Variants in NPHP4 observed in about 807,000 individuals in gnomAD.
NPHP4 encodes nephrocystin 4.
NPHP4 carries 151 observed loss-of-function variants against 155.8 expected under a neutral mutation model. That is an observed-to-expected ratio of 0.97 (90% CI 0.85 to 1.11). NPHP4 has a LOEUF of 1.11. Among genes scored for constraint, NPHP4 ranks in the 50% least tolerant of loss-of-function variants. The pLI is 0.00. For missense variants in NPHP4, 1,956 were observed against 1,925.7 expected, an observed-to-expected ratio of 1.02 and a Z score of -0.29; for synonymous variants, 845 against 816.8, an observed-to-expected ratio of 1.03 and a Z score of -0.59.
chr1:5,935,324 C>A (rs941207704), intron 9 of NPHP4, among the ~76,000 whole-genome samples: 3 of 152,128 alleles, frequency 2.0e-5, no homozygotes, highest in Admixed American at 6.6e-5. Flanking sequence ...CACATTCACG[C>A]CCCCGTCACA....
At chr1:5,912,169 T>G (rs1432917806) in intron 11 of NPHP4, among the ~76,000 whole-genome samples, 1 of 152,090 alleles carries the variant, frequency 6.6e-6, no homozygotes, top group Non-Finnish European at 1.5e-5. Context: ...AGATCCTGCG[T>G]GGGGCAGGGG....
chr1:5,965,606 C>T (rs1651343195), intron 5 of NPHP4, among the ~76,000 whole-genome samples: 1 of 152,150 alleles, frequency 6.6e-6, no homozygotes, highest in African/African-American at 2.4e-5. Flanking sequence ...CTCCTCTTGG[C>T]CTAGAGGACT....
At chr1:5,949,543 T>A (rs544787742) in intron 7 of NPHP4, among the ~76,000 whole-genome samples, 6 of 151,576 alleles carry the variant, frequency 4.0e-5, no homozygotes, top group Non-Finnish European at 8.8e-5. Context: ...CAATAACAGA[T>A]AAGAAGGCCA....
At chr1:5,958,100 C>T (rs114479057) in intron 6 of NPHP4, among the ~76,000 whole-genome samples, 195 of 152,364 alleles carry the variant, frequency 1.3e-3, no homozygotes, top group African/African-American at 4.5e-3. Flanking sequence ...GTTTTCTCCA[C>T]GGAGTTAGAC....
intron 3 of NPHP4, among the ~76,000 whole-genome samples, chr1:5,976,659 T>A (rs1430774804): frequency 6.6e-6 from 1 of 152,174 alleles, no homozygotes; most frequent in Non-Finnish European, 1.5e-5. Flanking sequence ...TTGACAACCT[T>A]AATGTCAGAC....
chr1:5,964,333 G>A (rs1650940017), intron 5 of NPHP4, among the ~76,000 whole-genome samples: 1 of 152,142 alleles, frequency 6.6e-6, no homozygotes, highest in South Asian at 2.1e-4. Context: ...GGGTACAGCT[G>A]CTTTAAAGGA....
chr1:5,959,737 C>T (rs140729286), intron 6 of NPHP4, among the ~76,000 whole-genome samples: 114 of 152,210 alleles, frequency 7.5e-4, no homozygotes, highest in African/African-American at 2.7e-3. Flanking sequence ...CACCAGGTGA[C>T]ATCTCACAGC....
rs551800561 is a variant in NPHP4, at chr1:5,961,539, C to G, written c.673+255G>C. ...ACAGAGACTTGAACTCTGTCTCTCA[C>G]GAAAGCATTTTCCCAACCAAAGCAG... On this transcript the variant is annotated intron_variant, in intron 6 of 29. Coordinates refer to ENST00000378156, the MANE Select transcript of NPHP4 (RefSeq NM_015102.5). Among the ~76,000 whole-genome samples the G allele has an allele frequency of 5.3e-5, 8 of 152,308 alleles. No homozygotes were observed. In the East Asian group the frequency reaches 1.2e-3, roughly 22 times the overall value.
intron 12 of NPHP4, among the ~76,000 whole-genome samples, chr1:5,908,619 G>A (rs991261823): frequency 4.6e-5 from 7 of 152,288 alleles, no homozygotes; most frequent in African/African-American, 9.6e-5. Flanking sequence ...GCGGGAAGGC[G>A]CCTCTCCTCC....
At chr1:5,940,107 A>G (rs779574964) in intron 9 of NPHP4, among the ~76,000 whole-genome samples, 2 of 152,206 alleles carry the variant, frequency 1.3e-5, no homozygotes, top group Non-Finnish European at 2.9e-5. Context: ...TATAATTTTA[A>G]CATGTCCCCC....
chr1:5,918,764 G>A (rs1380633907), intron 11 of NPHP4, among the ~76,000 whole-genome samples: 1 of 152,140 alleles, frequency 6.6e-6, no homozygotes, highest in Admixed American at 6.5e-5. Context: ...ATTTTTTTTA[G>A]AGGATGTGTA....
rs143164521 is a variant in NPHP4 at position 5,948,365 on chromosome 1, C to G, written c.811-114G>C. 1,217 of 730,160 alleles carry G rather than the reference C, an allele frequency of 1.7e-3. 22 individuals are homozygous for G. In the East Asian group the frequency reaches 0.031, roughly 18 times the overall value. The allele number at this position is 730,160 out of a possible 1,614,324, so 45.2% of individuals were successfully genotyped here. A position where few individuals can be genotyped will look rare whatever the true frequency, so the allele number is the denominator to read the frequency against. Reference sequence around the variant, plus strand: ...AAACTGGAGCAGAAGTTGCAGATAACTGCAGATCAGATGATGCTTAGTCAA... The same window carrying G: ...AAACTGGAGCAGAAGTTGCAGATAAGTGCAGATCAGATGATGCTTAGTCAA... On this transcript the variant is annotated intron_variant, in intron 7 of 29. Transcript: ENST00000378156.
intron 6 of NPHP4, among the ~76,000 whole-genome samples, chr1:5,958,812 T>C (rs1374464284): frequency 2.5e-5 from 3 of 118,290 alleles, no homozygotes; most frequent in Non-Finnish European, 4.8e-5. Context: ...TGAGCCAAGA[T>C]TGTGCCACTA....
chr1:5,873,117 TC>T, intron 23 of NPHP4, 134 bp downstream of exon 23: 1 of 754,452 alleles, frequency 1.3e-6, no homozygotes, highest in Non-Finnish European at 2.3e-6. Context: ...AAAAGGCCAT[TC>T]CCAGGCCCAC....
chr1:5,906,449 G>A (rs943310937), intron 13 of NPHP4, among the ~76,000 whole-genome samples: 2 of 152,228 alleles, frequency 1.3e-5, no homozygotes, highest in African/African-American at 2.4e-5. Flanking sequence ...TGTCTCATGC[G>A]CCAATAATAA....
At chr1:5,945,283 G>A (rs116010082) in intron 9 of NPHP4, among the ~76,000 whole-genome samples, 2,258 of 149,626 alleles carry the variant, frequency 0.015, 55 homozygotes, top group African/African-American at 0.053. Flanking sequence ...TTTCTCCTCC[G>A]CTCACTCCCC....
chr1:5,950,719 A>G (rs1647822551), intron 7 of NPHP4, among the ~76,000 whole-genome samples: 2 of 152,204 alleles, frequency 1.3e-5, no homozygotes, highest in African/African-American at 4.8e-5. Context: ...AAGTCATCCT[A>G]GACCAGCAGC....
At chr1:5,879,847 A>G (rs1643065390) in intron 19 of NPHP4, among the ~76,000 whole-genome samples, 1 of 142,946 alleles carries the variant, frequency 7.0e-6, no homozygotes, top group Non-Finnish European at 1.5e-5. Context: ...ACACACAGAC[A>G]CGCACACAGA....
At chr1:5,899,109 G>A (rs915116699) in intron 16 of NPHP4, among the ~76,000 whole-genome samples, 1 of 152,214 alleles carries the variant, frequency 6.6e-6, no homozygotes, top group African/African-American at 2.4e-5. Context: ...GCAGCACGAG[G>A]GAAACCTGCT....
Sources: gnomAD v4.1 joint callset for allele counts (sites outside exome capture counted in the v4.1 genomes callset) on GRCh38, gnomAD v4.1.1 for gene constraint, MANE v1.5 for transcripts, NCBI Gene and HGNC (gene_info 2026-07-23, HGNC 2026-07-21) for gene names.